The following ADGRE1 variants were observed in gnomAD, a reference collection of about 807,000 sequenced individuals.
The protein encoded by ADGRE1 is adhesion G protein-coupled receptor E1.
In ADGRE1, 82 loss-of-function variants were observed where a neutral mutation model predicts 102.7. The observed-to-expected ratio is 0.80, with a 90% CI of 0.67 to 0.96. The LOEUF is 0.96. ADGRE1 is among the 40% of genes least tolerant of loss of function. The pLI, the probability that ADGRE1 is intolerant of heterozygous loss-of-function variation, is 0.00. For missense variants in ADGRE1, 1,032 were observed against 1,085.3 expected, an observed-to-expected ratio of 0.95 and a Z score of 0.69; for synonymous variants, 398 against 399.6, an observed-to-expected ratio of 1.00 and a Z score of 0.05.
At chr19:6,892,847 A>T (rs1973429459) in intron 2 of ADGRE1, among the ~76,000 whole-genome samples, 1 of 152,206 alleles carries the variant, frequency 6.6e-6, no homozygotes, top group Admixed American at 6.5e-5. Context: ...AGTGAAACAA[A>T]CCAGGCACAG....
In ADGRE1 at chr19:6,940,108, T is replaced by C; in HGVS notation, c.*79T>C. 1.3e-6 allele frequency: 2 copies of C among 1,502,988 alleles called. No homozygotes were observed. Among genetic ancestry groups the C allele is most frequent in the Non-Finnish European group, 1.8e-6 (2 of 1,087,210 alleles). The allele number at this position is 1,502,988 out of a possible 1,614,324, so 93.1% of individuals were successfully genotyped here. A position where few individuals can be genotyped will look rare whatever the true frequency, so the allele number is the denominator to read the frequency against. ...TCCTGCAGGAGCCTACCCTGAAATC[T>C]CTTCTCAGCTTAACATGGAAATGAG... On this transcript the variant is annotated 3_prime_UTR_variant, in exon 21 of 21. Coordinates refer to ENST00000312053, the MANE Select transcript of ADGRE1 (RefSeq NM_001974.5).
chr19:6,934,419 C>CTTTTTTTT (rs71177132), intron 17 of ADGRE1, among the ~76,000 whole-genome samples: 3 of 95,470 alleles, frequency 3.1e-5, no homozygotes, highest in Non-Finnish European at 5.8e-5. Flanking sequence ...TCTTCTTCTT[C>CTTTTTTTT]TTTTTTTTTT....
chr19:6,895,684 G>A (rs575627172), intron 2 of ADGRE1: 1 of 152,290 alleles, frequency 6.6e-6, no homozygotes, highest in East Asian at 1.9e-4. Context: ...GGGTAGCAAG[G>A]ATCCAGATGA....
chr19:6,935,732 CAA>C (rs1291745210), intron 18 of ADGRE1, among the ~76,000 whole-genome samples: 1 of 152,132 alleles, frequency 6.6e-6, no homozygotes, highest in Non-Finnish European at 1.5e-5. Flanking sequence ...TGAAACTACC[CAA>C]ATCCAACTGC....
At chr19:6,907,873 G>A (rs1167176320) in intron 9 of ADGRE1, among the ~76,000 whole-genome samples, 1 of 152,060 alleles carries the variant, frequency 6.6e-6, no homozygotes, top group Non-Finnish European at 1.5e-5. Flanking sequence ...CCTTTTTATG[G>A]CTGAATAATA....
chr19:6,898,505 C>CT lies in ADGRE1; in HGVS notation c.514+959dup, dbSNP rs558898879. 2.3e-3 allele frequency: 3,566 copies of CT among 1,564,094 alleles called. 138 individuals carry two copies. The Admixed American group carries it at 0.057, about 25-fold the overall frequency. On this transcript the variant is annotated intron_variant, in intron 5 of 20. Coordinates refer to ENST00000312053, the MANE Select transcript of ADGRE1 (RefSeq NM_001974.5). Reference sequence around the variant, plus strand: ...CCAGGGATGGGTCTTGAGTGGATATCTATCAGTGGGGTGAGTTCATGTATT... The same window carrying CT: ...CCAGGGATGGGTCTTGAGTGGATATCTTATCAGTGGGGTGAGTTCATGTATT...
At chr19:6,938,940 C>T (rs1030792293) in intron 20 of ADGRE1, among the ~76,000 whole-genome samples, 18 of 151,744 alleles carry the variant, frequency 1.2e-4, no homozygotes, top group African/African-American at 3.6e-4. Flanking sequence ...GGATTACAGG[C>T]GCCCGCCAGC....
At chr19:6,931,557 G>A (rs991268566) in intron 17 of ADGRE1, among the ~76,000 whole-genome samples, 1 of 152,140 alleles carries the variant, frequency 6.6e-6, no homozygotes, top group African/African-American at 2.4e-5. Context: ...CAGCATTTTG[G>A]GAGGCCGAGG....
intron 10 of ADGRE1, among the ~76,000 whole-genome samples, chr19:6,911,891 T>TACAC (rs1312512309): frequency 1.3e-5 from 2 of 148,646 alleles, no homozygotes; most frequent in Admixed American, 6.7e-5. Context: ...TTTACACACA[T>TACAC]ACACCCCACA....
Position 6,906,422 on chromosome 19 carries a change from T to C in ADGRE1, c.950-11T>C. ...TGAAGTTTGGTTTGGTTGCTGTTGT[T>C]TTCTTCCTAGGGGTTCTCTTCAAAT... On this transcript the variant is annotated splice_polypyrimidine_tract_variant and intron_variant, in intron 8 of 20. Transcript: ENST00000312053. 6.2e-7 allele frequency: 1 copy of C among 1,602,148 alleles called. No homozygotes were observed. The highest frequency in any genetic ancestry group is 1.1e-5 in the South Asian group (1 of 88,984).
intron 14 of ADGRE1, among the ~76,000 whole-genome samples, chr19:6,923,645 C>T (rs1284845275): frequency 6.6e-6 from 1 of 152,066 alleles, no homozygotes; most frequent in Non-Finnish European, 1.5e-5. Context: ...ATTCTCCTGC[C>T]TCAGCCTCCC....
At chr19:6,902,151 C>T (rs187457625) in intron 6 of ADGRE1, 130 bp downstream of exon 6, 4 of 1,242,366 alleles carry the variant, frequency 3.2e-6, no homozygotes, top group Non-Finnish European at 4.6e-6. Context: ...ATCATTCATT[C>T]ACTCATTAAA....
intron 8 of ADGRE1, among the ~76,000 whole-genome samples, 168 bp from the exon 9 acceptor site, chr19:6,906,265 T>C (rs568304211): frequency 6.6e-6 from 1 of 152,372 alleles, no homozygotes; most frequent in East Asian, 1.9e-4. Flanking sequence ...AGTAAACACG[T>C]CCTTCATGTT....
At chr19:6,910,640 T>G (rs1337575852) in intron 10 of ADGRE1, among the ~76,000 whole-genome samples, 1 of 136,894 alleles carries the variant, frequency 7.3e-6, no homozygotes, top group Non-Finnish European at 1.5e-5. Flanking sequence ...GGCGCAATAT[T>G]GACTCACTGC....
intron 17 of ADGRE1, 66 bp from the exon 18 acceptor site, chr19:6,934,921 T>C: frequency 8.4e-7 from 1 of 1,187,456 alleles, no homozygotes; most frequent in South Asian, 1.6e-5. Flanking sequence ...GTTCTCTTTT[T>C]ATAGGTGTTC....
chr19:6,918,076 G>T (rs1974468098), intron 12 of ADGRE1, among the ~76,000 whole-genome samples: 1 of 152,146 alleles, frequency 6.6e-6, no homozygotes, highest in Admixed American at 6.6e-5. Context: ...GCGGGGAGAA[G>T]AATTCAAGGA....
At chr19:6,912,729 A>G (rs1974249185) in intron 10 of ADGRE1, among the ~76,000 whole-genome samples, 1 of 152,124 alleles carries the variant, frequency 6.6e-6, no homozygotes, top group South Asian at 2.1e-4. Flanking sequence ...TCATTTATTG[A>G]CCCAGTCTGT....
chr19:6,924,943 C>T, intron 15 of ADGRE1, 71 bp downstream of exon 15: 1 of 1,513,444 alleles, frequency 6.6e-7, no homozygotes. Context: ...CATTCCTAGC[C>T]AACTCCCTCT....
intron 8 of ADGRE1, 92 bp downstream of exon 8, chr19:6,904,274 T>A: frequency 2.7e-6 from 4 of 1,471,018 alleles, no homozygotes; most frequent in Non-Finnish European, 3.7e-6. Context: ...ATCTTCCTCT[T>A]AGTGTTGCCT....
Sources: allele counts gnomAD v4.1 joint callset (sites outside exome capture counted in the v4.1 genomes callset), GRCh38; gene constraint gnomAD v4.1.1; transcripts MANE v1.5; gene names NCBI Gene and HGNC (gene_info 2026-07-23, HGNC 2026-07-21).